Variants in TPST2 observed in about 807,000 individuals in gnomAD.
TPST2 encodes tyrosylprotein sulfotransferase 2.
TPST2 carries 16 observed loss-of-function variants against 27.8 expected under a neutral mutation model. The observed-to-expected ratio is 0.58, with a 90% CI of 0.39 to 0.88. The LOEUF (loss-of-function observed/expected upper bound fraction) is 0.88. Among genes scored for constraint, TPST2 ranks in the 40% least tolerant of loss-of-function variants. The probability of loss-of-function intolerance (pLI) is 0.00; values close to 1 mark genes in which losing one functional copy is unlikely to be tolerated. For missense variants in TPST2, 464 were observed against 543.1 expected (o/e 0.85, Z 1.45); for synonymous variants, 229 against 231.7 (o/e 0.99, Z 0.10).
intron 1 of TPST2, among the ~76,000 whole-genome samples, chr22:26,554,326 C>A (rs1487291807): frequency 6.6e-6 from 1 of 152,190 alleles, no homozygotes; most frequent in South Asian, 2.1e-4. Context: ...CCTGGCACAG[C>A]CCCTGCTCAG....
intron 1 of TPST2, among the ~76,000 whole-genome samples, chr22:26,569,016 A>G (rs1240256132): frequency 6.6e-6 from 1 of 151,626 alleles, no homozygotes; most frequent in Admixed American, 6.6e-5. Flanking sequence ...GGCGCCCACC[A>G]CCACGCTCAG....
At chr22:26,559,352 C>T (rs910475177) in intron 1 of TPST2, among the ~76,000 whole-genome samples, 7 of 152,042 alleles carry the variant, frequency 4.6e-5, no homozygotes, top group African/African-American at 1.7e-4. Flanking sequence ...GACAACAGAG[C>T]GAAACTCCAT....
Position 26,579,908 on chromosome 22 carries a change from G to A in TPST2, c.-161+10145C>T, listed in dbSNP as rs375378841. On this transcript the variant is annotated intron_variant, in intron 1 of 6. Transcript: ENST00000338754. ...CAGAGACAGGGAAAGACGTGAGTTG[G>A]GGGGATGGGTGGGAGGGAGAGAGAG... Among the ~76,000 whole-genome samples the A allele has an allele frequency of 1.2e-4, 18 of 151,980 alleles. No homozygotes were observed. The South Asian group carries it at 1.5e-3, about 12-fold the overall frequency.
chr22:26,549,867 T>TA (rs34355172), intron 1 of TPST2, among the ~76,000 whole-genome samples: 32,290 of 96,968 alleles, frequency 0.33, 5,120 homozygotes, highest in African/African-American at 0.45. Flanking sequence ...CCCTCTCTAC[T>TA]AAAAAAAAAA....
intron 1 of TPST2, among the ~76,000 whole-genome samples, chr22:26,563,719 G>T (rs757698238): frequency 6.6e-6 from 1 of 152,124 alleles, no homozygotes; most frequent in African/African-American, 2.4e-5. Context: ...CATGTAAGCT[G>T]CTTTCATCTT....
At chr22:26,579,561 T>G (rs1032276090) in intron 1 of TPST2, among the ~76,000 whole-genome samples, 3 of 152,188 alleles carry the variant, frequency 2.0e-5, no homozygotes, top group African/African-American at 7.2e-5. Context: ...TACTACCACT[T>G]TCTCACACCT....
intron 5 of TPST2, among the ~76,000 whole-genome samples, chr22:26,532,140 C>T (rs1006277431): frequency 2.6e-5 from 4 of 152,094 alleles, no homozygotes; most frequent in African/African-American, 9.7e-5. Flanking sequence ...AAAAAGTCCC[C>T]ACGAAGTCCC....
chr22:26,564,844 A>C (rs1927306140), intron 1 of TPST2, among the ~76,000 whole-genome samples: 1 of 152,142 alleles, frequency 6.6e-6, no homozygotes, highest in South Asian at 2.1e-4. Context: ...TTGGACCTGC[A>C]AAGTCAGCAT....
intron 5 of TPST2, among the ~76,000 whole-genome samples, chr22:26,531,681 G>T (rs1279244655): frequency 1.3e-5 from 2 of 152,152 alleles, no homozygotes; most frequent in African/African-American, 4.8e-5. Flanking sequence ...CAACAATTCA[G>T]TTCAGTTCTG....
chr22:26,557,450 G>C (rs899829325), intron 1 of TPST2, among the ~76,000 whole-genome samples: 1 of 152,210 alleles, frequency 6.6e-6, no homozygotes, highest in Non-Finnish European at 1.5e-5. Flanking sequence ...AAAGACCAGA[G>C]GGGTGTGGCT....
chr22:26,562,044 C>T (rs1200495386), intron 1 of TPST2, among the ~76,000 whole-genome samples: 1 of 150,714 alleles, frequency 6.6e-6, no homozygotes, highest in Non-Finnish European at 1.5e-5. Flanking sequence ...CTGGTGAACA[C>T]CAAGCAGTCA....
At chr22:26,537,641 C>A (rs184678697) in intron 3 of TPST2, among the ~76,000 whole-genome samples, 4 of 151,972 alleles carry the variant, frequency 2.6e-5, no homozygotes, top group Non-Finnish European at 5.9e-5. Context: ...TTAGAAGAGA[C>A]GGGGTTTCAC....
chr22:26,552,039 C>T lies in TPST2; in HGVS notation c.-160-7364G>A, dbSNP rs145921221. On this transcript the variant is annotated intron_variant, in intron 1 of 6. Transcript: ENST00000338754. ...CAAGTAGCTAGTGCACCACCATGCCCGGCTAATATTTTATTTTTTGTAGAA... is the reference window on the plus strand; with the variant it reads ...CAAGTAGCTAGTGCACCACCATGCCTGGCTAATATTTTATTTTTTGTAGAA... Among the ~76,000 whole-genome samples the T allele has an allele frequency of 2.1e-3, 312 of 151,758 alleles. 4 individuals are homozygous for T. Among genetic ancestry groups the T allele is most frequent in the Non-Finnish European group, 9.0e-4 (61 of 67,912 alleles).
chr22:26,549,177 G>A (rs1455953417), intron 1 of TPST2, among the ~76,000 whole-genome samples: 1 of 152,172 alleles, frequency 6.6e-6, no homozygotes, highest in Non-Finnish European at 1.5e-5. Flanking sequence ...CCTGCCTGCT[G>A]GCTCTTGTTT....
chr22:26,565,728 T>C (rs937769229), intron 1 of TPST2: 10 of 152,222 alleles, frequency 6.6e-5, no homozygotes, highest in African/African-American at 2.4e-4. Flanking sequence ...CAGAAGTAAA[T>C]TTAATAACAT....
At chr22:26,571,619 C>T (rs901229144) in intron 1 of TPST2, among the ~76,000 whole-genome samples, 1 of 152,072 alleles carries the variant, frequency 6.6e-6, no homozygotes, top group Non-Finnish European at 1.5e-5. Context: ...GAATCCTGAC[C>T]GGCCCCTCTC....
intron 1 of TPST2, among the ~76,000 whole-genome samples, chr22:26,551,266 A>T (rs946441318): frequency 6.6e-6 from 1 of 152,228 alleles, no homozygotes; most frequent in Non-Finnish European, 1.5e-5. Flanking sequence ...AATCTGGGTG[A>T]CAGGGAGAGA....
chr22:26,555,741 G>A (rs778658990), intron 1 of TPST2, among the ~76,000 whole-genome samples: 4 of 152,342 alleles, frequency 2.6e-5, no homozygotes, highest in Admixed American at 1.3e-4. Context: ...CCAGTGTCAC[G>A]TCCTGCCCAG....
intron 5 of TPST2, among the ~76,000 whole-genome samples, chr22:26,531,237 T>C (rs768966333): frequency 2.6e-4 from 40 of 151,370 alleles, no homozygotes; most frequent in Non-Finnish European, 5.0e-4. Context: ...ACTGTGCACA[T>C]AATGTCATTC....
Sources: allele counts gnomAD v4.1 joint callset (sites outside exome capture counted in the v4.1 genomes callset), GRCh38; gene constraint gnomAD v4.1.1; transcripts MANE v1.5; gene names NCBI Gene and HGNC (gene_info 2026-07-23, HGNC 2026-07-21).